DLG2: variants seen among roughly 807,000 people sequenced by gnomAD.
DLG2 encodes discs large MAGUK scaffold protein 2, also known as disks large homolog 2.
In DLG2, 45 loss-of-function variants were observed where a neutral mutation model predicts 132.5. That is an observed-to-expected ratio of 0.34 (90% CI 0.27 to 0.44). DLG2 has a LOEUF of 0.44. DLG2 is among the 20% of genes least tolerant of loss of function. The pLI, the probability that DLG2 is intolerant of heterozygous loss-of-function variation, is 1.00. For missense variants in DLG2, 1,045 were observed against 1,196.9 expected, an observed-to-expected ratio of 0.87 and a Z score of 1.87; for synonymous variants, 424 against 419.6, an observed-to-expected ratio of 1.01 and a Z score of -0.13.
chr11:85,512,795 A>C (rs2094104040), intron 3 of DLG2, among the ~76,000 whole-genome samples: 1 of 152,256 alleles, frequency 6.6e-6, no homozygotes, highest in East Asian at 1.9e-4. Context: ...TTTCTCAAAG[A>C]ACTGAAAATG....
intron 3 of DLG2, among the ~76,000 whole-genome samples, chr11:85,401,344 T>C (rs903141135): frequency 6.6e-6 from 1 of 152,054 alleles, no homozygotes; most frequent in Non-Finnish European, 1.5e-5. Context: ...TATCTCAAAA[T>C]AATAAGAGTT....
intron 14 of DLG2, among the ~76,000 whole-genome samples, chr11:83,962,347 G>A (rs1445562291): frequency 6.6e-6 from 1 of 152,080 alleles, no homozygotes; most frequent in East Asian, 1.9e-4. Context: ...GTTTATGCCA[G>A]GTCGTCACCT....
At chr11:83,799,221 C>T (rs1032093766) in intron 17 of DLG2, among the ~76,000 whole-genome samples, 3 of 152,124 alleles carry the variant, frequency 2.0e-5, no homozygotes, top group African/African-American at 7.2e-5. Flanking sequence ...TGGCATAGAA[C>T]ATAGATAGGG....
chr11:83,757,359 C>A (rs2093692367), intron 18 of DLG2, among the ~76,000 whole-genome samples: 1 of 152,186 alleles, frequency 6.6e-6, no homozygotes, highest in African/African-American at 2.4e-5. Flanking sequence ...TGAGTGGAGA[C>A]TGCATTGTTT....
chr11:83,634,095 T>C (rs1454238509), intron 18 of DLG2, among the ~76,000 whole-genome samples: 1 of 152,172 alleles, frequency 6.6e-6, no homozygotes, highest in African/African-American at 2.4e-5. Flanking sequence ...AAATTTCATT[T>C]AATTTAACTA....
chr11:84,243,789 C>A (rs1209273792), intron 8 of DLG2, among the ~76,000 whole-genome samples: 1 of 152,156 alleles, frequency 6.6e-6, no homozygotes, highest in Non-Finnish European at 1.5e-5. Flanking sequence ...TTTTGACTCA[C>A]CAGTTCAAGA....
chr11:84,916,407 T>A (rs1056406880), intron 6 of DLG2, among the ~76,000 whole-genome samples: 2 of 140,908 alleles, frequency 1.4e-5, no homozygotes, highest in Non-Finnish European at 3.1e-5. Context: ...TGGTAATTAC[T>A]TATCAAAGTA....
At chr11:85,606,735 G>A (rs1199946051) in intron 2 of DLG2, among the ~76,000 whole-genome samples, 1 of 152,134 alleles carries the variant, frequency 6.6e-6, no homozygotes, top group Non-Finnish European at 1.5e-5. Flanking sequence ...TCACTGCGAA[G>A]GTCTGCAGCT....
At chr11:84,283,857 A>G (rs1029424414) in intron 7 of DLG2, among the ~76,000 whole-genome samples, 2 of 152,178 alleles carry the variant, frequency 1.3e-5, no homozygotes, top group African/African-American at 4.8e-5. Context: ...AGCTAATTAC[A>G]ATTTCAAAAA....
At chr11:83,676,966 G>A (rs572721872) in intron 18 of DLG2, among the ~76,000 whole-genome samples, 2 of 152,082 alleles carry the variant, frequency 1.3e-5, no homozygotes, top group African/African-American at 2.4e-5. Context: ...ACTAGAAAAC[G>A]ACCGAACAAA....
At chr11:84,938,660 C>T (rs2049027146) in intron 6 of DLG2, among the ~76,000 whole-genome samples, 1 of 152,014 alleles carries the variant, frequency 6.6e-6, no homozygotes, top group South Asian at 2.1e-4. Flanking sequence ...TGTCTTTTTC[C>T]ATTGGCAAAA....
chr11:84,581,610 A>T (rs1172457628), intron 6 of DLG2, among the ~76,000 whole-genome samples: 1 of 152,180 alleles, frequency 6.6e-6, no homozygotes, highest in Non-Finnish European at 1.5e-5. Flanking sequence ...TTTCAAGAAA[A>T]ATCTGAGTAT....
chr11:84,038,562 T>A (rs571259349), intron 11 of DLG2, among the ~76,000 whole-genome samples: 2 of 152,052 alleles, frequency 1.3e-5, no homozygotes, highest in African/African-American at 4.8e-5. Context: ...CTAAAAGGTA[T>A]AAAGAACAAA....
At chr11:85,528,911 T>C (rs1250134690) in intron 3 of DLG2, among the ~76,000 whole-genome samples, 1 of 152,164 alleles carries the variant, frequency 6.6e-6, no homozygotes, top group South Asian at 2.1e-4. Flanking sequence ...GGTGTGCCTA[T>C]ACAACAAAAC....
Position 85,285,307 on chromosome 11 carries a change from C to A in DLG2, c.99G>T (p.Lys33Asn), listed in dbSNP as rs781361075. The A allele has an allele frequency of 6.2e-7, 1 of 1,612,010 alleles. No homozygotes were observed. The highest frequency in any genetic ancestry group is 1.1e-5 in the South Asian group (1 of 91,016). Residue 33 changes from lysine (K) to asparagine (N), a missense_variant, in exon 4 of 28, where the codon AAG (lysine) becomes AAT (asparagine). Coordinates refer to ENST00000376104, the MANE Select transcript of DLG2 (RefSeq NM_001142699.3). ...GTAAAACTTGATTGGCTTCTTCTAT[C>A]TTCTGCTCACAACTTTTTTGAGAAT... ...LLNSQKSCEQKIEEANQVLQK... is the reference protein window; with the variant it reads ...LLNSQKSCEQNIEEANQVLQK...
At chr11:84,636,784 ATT>A (rs58336974) in intron 6 of DLG2, among the ~76,000 whole-genome samples, 615 of 145,494 alleles carry the variant, frequency 4.2e-3, no homozygotes, top group East Asian at 5.7e-3. Context: ...AGGGATGCAC[ATT>A]TTTTTTTTTT....
chr11:83,600,236 G>GGTGTGTGTGTGT (rs57674131), intron 19 of DLG2, among the ~76,000 whole-genome samples: 9,644 of 145,502 alleles, frequency 0.066, 381 homozygotes, highest in Non-Finnish European at 0.069. Flanking sequence ...CTAGCTATAG[G>GGTGTGTGTGTGT]GTGTGTGTGT....
intron 9 of DLG2, among the ~76,000 whole-genome samples, chr11:84,132,160 A>AGCTTTAGT (rs2094445886): frequency 6.6e-6 from 1 of 151,942 alleles, no homozygotes; most frequent in Non-Finnish European, 1.5e-5. Flanking sequence ...TTCTGGCTTT[A>AGCTTTAGT]GCTTTAGTCC....
chr11:84,834,914 A>T (rs576760086), intron 6 of DLG2, among the ~76,000 whole-genome samples: 102 of 151,522 alleles, frequency 6.7e-4, no homozygotes, highest in Middle Eastern at 6.8e-3. Flanking sequence ...AAAAAAAAAA[A>T]TTTTTGGGAA....
Sources: allele counts gnomAD v4.1 joint callset (sites outside exome capture counted in the v4.1 genomes callset), GRCh38; gene constraint gnomAD v4.1.1; transcripts MANE v1.5; gene names NCBI Gene and HGNC (gene_info 2026-07-23, HGNC 2026-07-21).